SLK: variants seen among roughly 807,000 people sequenced by gnomAD.
SLK encodes the protein STE20-like serine/threonine-protein kinase.
In SLK, 67 loss-of-function variants were observed where a neutral mutation model predicts 147.7. That is an observed-to-expected ratio of 0.45 (90% confidence interval 0.37 to 0.56). SLK has a LOEUF of 0.56. Among genes scored for constraint, SLK ranks in the 20% least tolerant of loss-of-function variants. The probability of loss-of-function intolerance (pLI) is 0.00; values close to 1 mark genes in which losing one functional copy is unlikely to be tolerated. For synonymous variants in SLK, 441 were observed against 475.0 expected (o/e 0.93, Z 0.93); for missense variants, 1,136 against 1,438.8 (o/e 0.79, Z 3.41).
rs1234763476 is a variant in SLK at position 104,002,347 on chromosome 10, C to T, written c.1169C>T (p.Pro390Leu). ...ILNEKPTTDE[P>L]EKAVEDINEH... ...AATGAAAAACCCACCACTGATGAAC[C>T]TGAAAAGGCTGTGGAGGATATTAAT... Residue 390 changes from proline to leucine, a missense_variant, in exon 9 of 19, where the codon CCT (proline) becomes CTT (leucine). Physicochemically the swap from Pro to Leu is moderately conservative, Grantham distance 98 (BLOSUM62 -3). Transcript: ENST00000369755. The T allele has an allele frequency of 1.2e-6, 2 of 1,613,214 alleles. No individual in the cohort carries two copies. The highest frequency in any genetic ancestry group is 1.7e-6 in the Non-Finnish European group (2 of 1,179,576).
intron 4 of SLK, among the ~76,000 whole-genome samples, chr10:103,995,423 C>CTTTTTTTTTT (rs756975426): frequency 1.5e-3 from 102 of 67,668 alleles, no homozygotes; most frequent in Non-Finnish European, 1.9e-3. Context: ...TCTTTCTTTT[C>CTTTTTTTTTT]TTTTTTTTTT....
chr10:103,987,012 G>C (rs1844026985), intron 1 of SLK, among the ~76,000 whole-genome samples: 1 of 152,168 alleles, frequency 6.6e-6, no homozygotes. Flanking sequence ...ATATTAGGTA[G>C]ATAAGCTCTT....
At position 104,025,775 on chromosome 10, in the gene SLK, T is replaced by A; in HGVS notation, c.*55T>A. The A allele has an allele frequency of 6.7e-7, 1 of 1,492,462 alleles. No individual in the cohort carries two copies. Among genetic ancestry groups the A allele is most frequent in the Non-Finnish European group, 9.3e-7 (1 of 1,079,614 alleles). 92.5% of individuals were successfully genotyped at this position (1,492,462 alleles called of 1,614,324 possible). On this transcript the variant is annotated 3_prime_UTR_variant, in exon 19 of 19. Transcript: ENST00000369755. The stretch of plus-strand genomic sequence containing the variant: ...GCTCTTTCAGTATGTCATTCTGTTC[T>A]CATCTTCTGCCACAGTCTCTCAGAT...
chr10:104,007,748 T>C (rs892735763), intron 11 of SLK, among the ~76,000 whole-genome samples: 3 of 150,792 alleles, frequency 2.0e-5, no homozygotes, highest in Admixed American at 6.6e-5. Context: ...CTAGGCAACA[T>C]AGTGATAGCC....
rs1469312848 is a variant in SLK, at chr10:104,028,039, G to C, written c.*2319G>C. 6.6e-6 allele frequency: 1 copy of C among 152,118 alleles called. No individual in the cohort carries two copies. The highest frequency in any genetic ancestry group is 2.4e-5 in the African/African-American group (1 of 41,418). The allele number at this position is 152,118 out of a possible 1,614,324, so 9.4% of individuals were successfully genotyped here. On this transcript the variant is annotated 3_prime_UTR_variant, in exon 19 of 19. Coordinates refer to ENST00000369755, the MANE Select transcript of SLK (RefSeq NM_014720.4). ...TATAAATCTTTTCAAAAAGTGTTTTGTTATAAAATACGCTGTTTGTACCCA... is the reference window on the plus strand; with the variant it reads ...TATAAATCTTTTCAAAAAGTGTTTTCTTATAAAATACGCTGTTTGTACCCA...
At chr10:103,990,942 A>C (rs1205419099) in intron 2 of SLK, 103 bp downstream of exon 2, 1 of 584,278 alleles carries the variant, frequency 1.7e-6, no homozygotes, top group African/African-American at 2.0e-5. Flanking sequence ...TATCTCTTCT[A>C]TTTAGTTACT....
At chr10:103,991,104 T>C (rs1844087704) in intron 2 of SLK, among the ~76,000 whole-genome samples, 1 of 152,174 alleles carries the variant, frequency 6.6e-6, no homozygotes, top group Non-Finnish European at 1.5e-5. Flanking sequence ...TGGTTAAGAA[T>C]AATAAATTTC....
At position 104,018,798 on chromosome 10, in the gene SLK, A is replaced by G; in HGVS notation, c.3022A>G (p.Ile1008Val). 3 of 1,611,742 alleles carry G rather than the reference A, an allele frequency of 1.9e-6. No individual in the cohort carries two copies. Among genetic ancestry groups the G allele is most frequent in the Non-Finnish European group, 2.5e-6 (3 of 1,179,470 alleles). ...QQLMRAREAAIWELEERHLQE... is the reference protein window; with the variant it reads ...QQLMRAREAAVWELEERHLQE... Reference sequence around the variant, plus strand: ...CTGTCTTCTAGCTCGAGAAGCTGCAATTTGGGAGCTCGAAGAACGACACTT... The same window carrying G: ...CTGTCTTCTAGCTCGAGAAGCTGCAGTTTGGGAGCTCGAAGAACGACACTT... Residue 1008 changes from isoleucine (I) to valine (V), a missense_variant, in exon 15 of 19, where the codon ATT becomes GTT. Coordinates refer to ENST00000369755, the MANE Select transcript of SLK (RefSeq NM_014720.4).
At chr10:103,978,089 G>T (rs1405372544) in intron 1 of SLK, among the ~76,000 whole-genome samples, 1 of 151,346 alleles carries the variant, frequency 6.6e-6, no homozygotes, top group East Asian at 1.9e-4. Flanking sequence ...GTCTAATTAT[G>T]TTGATTAATC....
chr10:103,993,362 T>C (rs557573347), intron 4 of SLK, among the ~76,000 whole-genome samples: 8 of 152,264 alleles, frequency 5.3e-5, no homozygotes, highest in Admixed American at 2.6e-4. Flanking sequence ...AGAATGAATT[T>C]TTATTTTCAA....
chr10:103,967,634 A>T lies in SLK; in HGVS notation c.-112A>T, dbSNP rs1589521018. 1 of 906,084 alleles carries T rather than the reference A, an allele frequency of 1.1e-6. No individual in the cohort carries two copies. The highest frequency in any genetic ancestry group is 1.5e-6 in the Non-Finnish European group (1 of 669,986). 56.1% of individuals were successfully genotyped at this position (906,084 alleles called of 1,614,324 possible). On this transcript the variant is annotated 5_prime_UTR_variant, in exon 1 of 19. Coordinates refer to ENST00000369755, the MANE Select transcript of SLK (RefSeq NM_014720.4). The stretch of plus-strand genomic sequence containing the variant: ...CGGCCGGAGCTGCGGGGGCCGAGGG[A>T]CGCCGCGCCCGCCGCCGCCAGCCGG...
intron 1 of SLK, among the ~76,000 whole-genome samples, chr10:103,984,941 G>T (rs1006113926): frequency 6.6e-6 from 1 of 152,166 alleles, no homozygotes; most frequent in Non-Finnish European, 1.5e-5. Flanking sequence ...TTTTGGTCAA[G>T]ATTTGACCAA....
At chr10:104,021,184 CT>C (rs1482539119) in intron 17 of SLK, among the ~76,000 whole-genome samples, 1 of 152,070 alleles carries the variant, frequency 6.6e-6, no homozygotes, top group Non-Finnish European at 1.5e-5. Flanking sequence ...TATATATTTG[CT>C]TAATTTACTA....
chr10:103,994,716 T>A (rs1283104346), intron 4 of SLK, among the ~76,000 whole-genome samples: 1 of 152,218 alleles, frequency 6.6e-6, no homozygotes, highest in Non-Finnish European at 1.5e-5. Context: ...ATGTTTAAAA[T>A]GACTCCTTAG....
chr10:104,013,434 C>A (rs1844423654), intron 13 of SLK, among the ~76,000 whole-genome samples: 1 of 152,218 alleles, frequency 6.6e-6, no homozygotes, highest in Admixed American at 6.5e-5. Context: ...GCTTAAAAAA[C>A]AACAGCAACA....
intron 1 of SLK, 84 bp downstream of exon 1, chr10:103,967,979 G>C: frequency 7.3e-7 from 1 of 1,363,808 alleles, no homozygotes. Flanking sequence ...TGCTCCCCTG[G>C]TCCTTATCCT....
chr10:104,017,502 T>C (rs1299382621), intron 13 of SLK, among the ~76,000 whole-genome samples: 2 of 152,066 alleles, frequency 1.3e-5, no homozygotes, highest in African/African-American at 2.4e-5. Flanking sequence ...TATTTTGAGA[T>C]GGAGTCTCAC....
At chr10:104,014,658 C>T (rs547120719) in intron 13 of SLK, among the ~76,000 whole-genome samples, 1 of 152,246 alleles carries the variant, frequency 6.6e-6, no homozygotes, top group South Asian at 2.1e-4. Flanking sequence ...TGATCAAATT[C>T]TATACAAATA....
At chr10:104,025,327 G>A (rs1025477790) in intron 18 of SLK, among the ~76,000 whole-genome samples, 2 of 152,080 alleles carry the variant, frequency 1.3e-5, no homozygotes, top group African/African-American at 4.8e-5. Flanking sequence ...GAGGAATTGA[G>A]GAATTAAATG....
Sources: gnomAD v4.1 joint callset for allele counts (sites outside exome capture counted in the v4.1 genomes callset) on GRCh38, gnomAD v4.1.1 for gene constraint, MANE v1.5 for transcripts, NCBI Gene and HGNC (gene_info 2026-07-23, HGNC 2026-07-21) for gene names.